The following TMPRSS7 variants were observed in gnomAD, a reference collection of about 807,000 sequenced individuals.
TMPRSS7 encodes the protein transmembrane serine protease 7, also known as transmembrane protease serine 7.
A neutral mutation model predicts 95.6 loss-of-function variants in TMPRSS7; 81 were observed. That is an observed-to-expected ratio of 0.85 (90% CI 0.71 to 1.02). The LOEUF (loss-of-function observed/expected upper bound fraction) is 1.02, where lower values mean the gene tolerates loss of function less well. Among genes scored for constraint, TMPRSS7 ranks in the 50% least tolerant of loss-of-function variants. The pLI is 0.00. For synonymous variants in TMPRSS7, 364 were observed against 337.8 expected (o/e 1.08, Z -0.85); for missense variants, 945 against 955.2 (o/e 0.99, Z 0.14).
chr3:112,063,437 A>G, intron 11 of TMPRSS7, 88 bp from the exon 12 acceptor site: 1 of 966,530 alleles, frequency 1.0e-6, no homozygotes, highest in Non-Finnish European at 1.7e-6. Flanking sequence ...CTCCCTAACC[A>G]CTTCACACTT....
At chr3:112,045,181 T>C (rs1194328395) in intron 4 of TMPRSS7, among the ~76,000 whole-genome samples, 2 of 152,214 alleles carry the variant, frequency 1.3e-5, no homozygotes, top group East Asian at 3.8e-4. Flanking sequence ...AGAGTCTCGC[T>C]CTGTCGCCCA....
chr3:112,079,272 G>A (rs2073750005), intron 17 of TMPRSS7, among the ~76,000 whole-genome samples: 1 of 152,284 alleles, frequency 6.6e-6, no homozygotes, highest in South Asian at 2.1e-4. Context: ...GGAATGGAGA[G>A]GTGACAAAGA....
At chr3:112,076,729 A>G (rs555299492) in intron 15 of TMPRSS7, 147 bp from the exon 16 acceptor site, 1 of 926,852 alleles carries the variant, frequency 1.1e-6, no homozygotes, top group East Asian at 2.5e-5. Context: ...GCTTTCTGCC[A>G]TGGTCCCCGG....
chr3:112,056,948 A>C (rs2073439838), intron 9 of TMPRSS7, 77 bp from the exon 10 acceptor site: 1 of 1,068,130 alleles, frequency 9.4e-7, no homozygotes, highest in Admixed American at 2.1e-5. Flanking sequence ...ATGGCCTTAA[A>C]ACAACAAGCC....
intron 1 of TMPRSS7, among the ~76,000 whole-genome samples, chr3:112,037,461 A>G (rs1276990703): frequency 6.6e-6 from 1 of 152,186 alleles, no homozygotes; most frequent in Non-Finnish European, 1.5e-5. Flanking sequence ...GTTTCCTGCT[A>G]AGATGTTTAT....
intron 15 of TMPRSS7, among the ~76,000 whole-genome samples, chr3:112,076,548 C>T (rs539764089): frequency 2.4e-4 from 36 of 152,322 alleles, no homozygotes; most frequent in African/African-American, 7.5e-4. Flanking sequence ...CAAATTAATT[C>T]TAGTTACCAA....
At chr3:112,074,481 T>G in intron 14 of TMPRSS7, 69 bp downstream of exon 14, 1 of 1,204,472 alleles carries the variant, frequency 8.3e-7, no homozygotes, top group Non-Finnish European at 1.2e-6. Context: ...TATATTTTCA[T>G]TCCCTTCTTG....
intron 1 of TMPRSS7, among the ~76,000 whole-genome samples, chr3:112,037,698 G>A (rs985532179): frequency 5.3e-5 from 8 of 152,172 alleles, no homozygotes; most frequent in African/African-American, 1.9e-4. Context: ...CTGCCGACAT[G>A]TGATGTCTTC....
chr3:112,070,549 T>C lies in TMPRSS7; in HGVS notation c.1667-3747T>C, dbSNP rs184984075. Among the ~76,000 whole-genome samples the C allele has an allele frequency of 4.6e-4, 70 of 152,352 alleles. 1 individual carries two copies. The East Asian group carries it at 0.011, about 23-fold the overall frequency. ...CATATATATTTAGGATAGTTAGCTCTTCTTGTTTAATTGATCCCTTTACCA... is the reference window on the plus strand; with the variant it reads ...CATATATATTTAGGATAGTTAGCTCCTCTTGTTTAATTGATCCCTTTACCA... On this transcript the variant is annotated intron_variant, in intron 13 of 17. Coordinates refer to ENST00000452346, the Ensembl canonical transcript of TMPRSS7.
At chr3:112,069,903 C>A (rs1486022859) in intron 13 of TMPRSS7, among the ~76,000 whole-genome samples, 2 of 152,036 alleles carry the variant, frequency 1.3e-5, no homozygotes, top group African/African-American at 4.8e-5. Context: ...TTCCCTAGTT[C>A]TTTTAATTGT....
chr3:112,047,810 T>C, exon 7 of TMPRSS7: 2 of 1,614,164 alleles, frequency 1.2e-6, no homozygotes, highest in Non-Finnish European at 1.7e-6. Context: ...TTCTGCAGCC[T>C]CAGGGAGGCT....
At chr3:112,071,050 T>G (rs9755693) in intron 13 of TMPRSS7, among the ~76,000 whole-genome samples, 4,564 of 152,314 alleles carry the variant, frequency 0.03, 191 homozygotes, top group African/African-American at 0.088. Context: ...TCGATGACCT[T>G]TACAATTTGA....
chr3:112,058,109 G>T (rs929127537), intron 10 of TMPRSS7, among the ~76,000 whole-genome samples: 2 of 152,224 alleles, frequency 1.3e-5, no homozygotes, highest in Non-Finnish European at 2.9e-5. Flanking sequence ...ATTCTGTTAA[G>T]TTAAAGGATT....
chr3:112,049,804 C>T (rs764524734), intron 7 of TMPRSS7, 40 bp from the exon 8 acceptor site: 19 of 1,457,438 alleles, frequency 1.3e-5, no homozygotes, highest in East Asian at 4.7e-5. Flanking sequence ...TCTCAAATAA[C>T]GTATTATTCA....
intron 13 of TMPRSS7, among the ~76,000 whole-genome samples, chr3:112,068,297 T>G (rs1352007060): frequency 6.6e-6 from 1 of 152,218 alleles, no homozygotes; most frequent in African/African-American, 2.4e-5. Flanking sequence ...AGGATTGTCT[T>G]GGCAATGCAG....
rs543887804 is a variant in TMPRSS7 at position 112,047,556 on chromosome 3, T to C, written c.731-183T>C. The C allele has an allele frequency of 7.7e-5, 51 of 665,170 alleles. No individual in the cohort carries two copies. In the East Asian group the frequency reaches 1.4e-3, roughly 19 times the overall value. The allele number at this position is 665,170 out of a possible 1,614,324, so 41.2% of individuals were successfully genotyped here. Reference sequence around the variant, plus strand: ...CCCCAACCAAACTATATAGACAGAGTGTGGATAGTTTCTAAAGGCAAAATG... The same window carrying C: ...CCCCAACCAAACTATATAGACAGAGCGTGGATAGTTTCTAAAGGCAAAATG... On this transcript the variant is annotated intron_variant, in intron 6 of 17. Transcript: ENST00000452346.
intron 17 of TMPRSS7, among the ~76,000 whole-genome samples, 198 bp from the exon 18 acceptor site, chr3:112,080,716 G>C (rs909180035): frequency 6.6e-6 from 1 of 152,124 alleles, no homozygotes; most frequent in Non-Finnish European, 1.5e-5. Flanking sequence ...GAATGCAGCT[G>C]TTTGATTATA....
chr3:112,061,789 A>G (rs994928388), exon 11 of TMPRSS7: 1 of 1,605,544 alleles, frequency 6.2e-7, no homozygotes, highest in Non-Finnish European at 8.5e-7. Context: ...CTCCCCAGGT[A>G]CTGTGGCTCC....
At chr3:112,043,813 G>A (rs1356001657) in intron 3 of TMPRSS7, among the ~76,000 whole-genome samples, 1 of 152,166 alleles carries the variant, frequency 6.6e-6, no homozygotes, top group Non-Finnish European at 1.5e-5. Context: ...CCTGGCTGTG[G>A]GTACCACTCG....
Sources: allele counts gnomAD v4.1 joint callset (sites outside exome capture counted in the v4.1 genomes callset), GRCh38; gene constraint gnomAD v4.1.1; transcripts MANE v1.5; gene names NCBI Gene and HGNC (gene_info 2026-07-23, HGNC 2026-07-21).